GRK4: variants seen among roughly 807,000 people sequenced by gnomAD.
GRK4 encodes G protein-coupled receptor kinase 2-like.
GRK4 carries 73 observed loss-of-function variants against 77.9 expected under a neutral mutation model. The ratio of observed to expected loss-of-function variants is 0.94; its 90% confidence interval spans 0.78 to 1.14. The LOEUF (loss-of-function observed/expected upper bound fraction) is 1.14, where lower values mean the gene tolerates loss of function less well. Among genes scored for constraint, GRK4 ranks in the 50% most tolerant of loss-of-function variants. The pLI, the probability that GRK4 is intolerant of heterozygous loss-of-function variation, is 0.00. For missense variants in GRK4, 729 were observed against 700.2 expected (o/e 1.04, Z -0.46); for synonymous variants, 257 against 254.4 (o/e 1.01, Z -0.10).
intron 6 of GRK4, 145 bp from the exon 7 acceptor site, chr4:3,009,503 C>G (rs1257472210): frequency 1.7e-6 from 1 of 590,316 alleles, no homozygotes; most frequent in East Asian, 2.8e-5. Context: ...GCCACAGTCC[C>G]TGAGCACAGA....
chr4:2,998,187 G>A (rs769849501), intron 4 of GRK4, among the ~76,000 whole-genome samples: 20 of 152,062 alleles, frequency 1.3e-4, no homozygotes, highest in South Asian at 4.1e-4. Context: ...TGAAACCCCC[G>A]TCTGTACTAA....
At chr4:2,982,230 T>A (rs1723072264) in intron 1 of GRK4, among the ~76,000 whole-genome samples, 1 of 152,226 alleles carries the variant, frequency 6.6e-6, no homozygotes, top group Non-Finnish European at 1.5e-5. Context: ...CACCTGTTCC[T>A]GGCTTCCGCC....
rs369060676 is a variant in GRK4, at chr4:3,006,824, G to T, written c.444-912G>T. On this transcript the variant is annotated intron_variant, in intron 5 of 15. Transcript: ENST00000398052. ...TCCATTTGATTGCTTCTCTGGTATG[G>T]CAGACAGGACAGGCTTGGTCTTTGC... Among the ~76,000 whole-genome samples the T allele has an allele frequency of 6.6e-5, 10 of 152,176 alleles. No individual in the cohort carries two copies. The East Asian group carries it at 1.9e-3, about 29-fold the overall frequency.
chr4:2,967,846 G>A (rs1033229033), intron 1 of GRK4, among the ~76,000 whole-genome samples: 7 of 151,544 alleles, frequency 4.6e-5, no homozygotes, highest in South Asian at 2.1e-4. Flanking sequence ...GTGCAATGGC[G>A]CAATCGTGAT....
chr4:3,037,658 T>A lies in GRK4; in HGVS notation c.1545+147T>A. ...ACGGCTGGGCGCAGTGGCTCACGCC[T>A]GTAATCCCAGCACTTTGGGAGGCTG... On this transcript the variant is annotated intron_variant, in intron 14 of 15. Coordinates refer to ENST00000398052, the MANE Select transcript of GRK4 (RefSeq NM_182982.3). 3.2e-6 allele frequency: 3 copies of A among 926,308 alleles called. 1 individual carries two copies. In the South Asian group the frequency reaches 6.0e-5, roughly 19 times the overall value. The allele number at this position is 926,308 out of a possible 1,614,324, so 57.4% of individuals were successfully genotyped here. A position where few individuals can be genotyped will look rare whatever the true frequency, so the allele number is the denominator to read the frequency against.
intron 10 of GRK4, among the ~76,000 whole-genome samples, chr4:3,023,338 G>A (rs1311352713): frequency 6.6e-6 from 1 of 152,238 alleles, no homozygotes; most frequent in East Asian, 1.9e-4. Context: ...CTCACAAGCA[G>A]TGCTGGGAGA....
chr4:2,981,029 TGCTGTG>T (rs980762003), intron 1 of GRK4, among the ~76,000 whole-genome samples: 4 of 152,264 alleles, frequency 2.6e-5, no homozygotes, highest in African/African-American at 9.6e-5. Flanking sequence ...GCTGGTTACC[TGCTGTG>T]GCTGTGGCTA....
At chr4:3,012,261 T>C (rs903175681) in intron 7 of GRK4, among the ~76,000 whole-genome samples, 9 of 152,202 alleles carry the variant, frequency 5.9e-5, no homozygotes, top group Non-Finnish European at 1.3e-4. Flanking sequence ...TAGGAAAACA[T>C]TTCACGATAG....
At chr4:3,028,926 C>T (rs1738365157) in intron 11 of GRK4, among the ~76,000 whole-genome samples, 1 of 152,148 alleles carries the variant, frequency 6.6e-6, no homozygotes, top group African/African-American at 2.4e-5. Context: ...CGCCTGCCGC[C>T]ATACCTGGCT....
intron 12 of GRK4, among the ~76,000 whole-genome samples, chr4:3,031,554 T>C (rs1739184192): frequency 6.6e-6 from 1 of 152,024 alleles, no homozygotes; most frequent in Non-Finnish European, 1.5e-5. Flanking sequence ...AGGGAGTGAC[T>C]AGAGGACAGA....
At chr4:2,976,783 G>A (rs1368400321) in intron 1 of GRK4, among the ~76,000 whole-genome samples, 1 of 152,066 alleles carries the variant, frequency 6.6e-6, no homozygotes, top group Non-Finnish European at 1.5e-5. Flanking sequence ...GGGATTGCAG[G>A]CACATGCCAC....
intron 4 of GRK4, among the ~76,000 whole-genome samples, chr4:2,996,731 T>C (rs561670582): frequency 2.0e-5 from 3 of 152,052 alleles, no homozygotes; most frequent in South Asian, 4.2e-4. Context: ...TTTTTTTTTT[T>C]CTTTTCTTAC....
At position 3,000,848 on chromosome 4, in the gene GRK4, G is replaced by A. The variant is rs542033140; in HGVS notation, c.340-3383G>A. On this transcript the variant is annotated intron_variant, in intron 4 of 15. Transcript: ENST00000398052. ...CTCCCAAAGTGCTGGGATTACAGGCGTGAGCCACGGCGCCTGGCCCAAACT... is the reference window on the plus strand; with the variant it reads ...CTCCCAAAGTGCTGGGATTACAGGCATGAGCCACGGCGCCTGGCCCAAACT... Among the ~76,000 whole-genome samples the A allele has an allele frequency of 7.0e-4, 106 of 152,118 alleles. 1 individual carries two copies. Among genetic ancestry groups the A allele is most frequent in the African/African-American group, 2.3e-3 (94 of 41,514 alleles).
At chr4:3,023,839 C>G (rs1736717824) in intron 10 of GRK4, among the ~76,000 whole-genome samples, 1 of 152,126 alleles carries the variant, frequency 6.6e-6, no homozygotes, top group South Asian at 2.1e-4. Flanking sequence ...GGGTACGGTG[C>G]AGAGTGTGTG....
intron 4 of GRK4, among the ~76,000 whole-genome samples, chr4:3,003,581 A>G (rs761063768): frequency 3.3e-5 from 5 of 152,166 alleles, no homozygotes; most frequent in Non-Finnish European, 5.9e-5. Context: ...AGGCTGAATA[A>G]TATTCCACTG....
intron 1 of GRK4, among the ~76,000 whole-genome samples, chr4:2,965,029 A>G (rs1717094736): frequency 6.6e-6 from 1 of 152,158 alleles, no homozygotes; most frequent in Non-Finnish European, 1.5e-5. Context: ...CCAGCTATGC[A>G]AGGCCACAAG....
chr4:3,016,925 C>T (rs937720123), intron 8 of GRK4, among the ~76,000 whole-genome samples: 2 of 152,160 alleles, frequency 1.3e-5, no homozygotes, highest in African/African-American at 4.8e-5. Context: ...CCTGCTTAAC[C>T]TAGAGACATT....
chr4:2,964,167 C>T, intron 1 of GRK4, 45 bp downstream of exon 1: 2 of 1,521,072 alleles, frequency 1.3e-6, no homozygotes. Flanking sequence ...CAGAGAACCC[C>T]GAATCCCGGG....
Position 3,009,516 on chromosome 4 carries a change from C to A in GRK4, c.537-132C>A, listed in dbSNP as rs1241189278. 4 of 631,860 alleles carry A rather than the reference C, an allele frequency of 6.3e-6. No individual in the cohort carries two copies. The East Asian group carries it at 1.1e-4, about 17-fold the overall frequency. 39.1% of individuals were successfully genotyped at this position (631,860 alleles called of 1,614,324 possible). ...GAGCCACAGTCCCTGAGCACAGACA[C>A]CCTTTGTCCCGGGCATCCCCTTTGA... On this transcript the variant is annotated intron_variant, in intron 6 of 15. Transcript: ENST00000398052.
Sources: allele counts gnomAD v4.1 joint callset (sites outside exome capture counted in the v4.1 genomes callset), GRCh38; gene constraint gnomAD v4.1.1; transcripts MANE v1.5; gene names NCBI Gene and HGNC (gene_info 2026-07-23, HGNC 2026-07-21).